The following A2M variants were observed in gnomAD, a reference collection of about 807,000 sequenced individuals.
A2M encodes alpha-2-macroglobulin.
Under a neutral mutation model 183.9 loss-of-function variants are expected in A2M, and 128 were observed. That is an observed-to-expected ratio of 0.70 (90% CI 0.60 to 0.81). The LOEUF (loss-of-function observed/expected upper bound fraction) is 0.81, where lower values mean the gene tolerates loss of function less well. Ranked by LOEUF, A2M falls within the 30% of genes least tolerant of loss-of-function variation. The pLI is 0.00. For synonymous variants in A2M, 592 were observed against 670.8 expected (o/e 0.88, Z 1.81); for missense variants, 1,495 against 1,787.6 (o/e 0.84, Z 2.95).
At chr12:9,069,927 CT>C (rs1352208292) in intron 32 of A2M, 114 bp from the exon 33 acceptor site, 4 of 869,344 alleles carry the variant, frequency 4.6e-6, no homozygotes, top group Non-Finnish European at 7.6e-6. Context: ...TCTTCAAATG[CT>C]TTTTGTAAGG....
intron 22 of A2M, among the ~76,000 whole-genome samples, chr12:9,082,833 G>T (rs1332120249): frequency 6.6e-6 from 1 of 152,200 alleles, no homozygotes; most frequent in Admixed American, 6.5e-5. Context: ...CCAACAAACT[G>T]AGAAGTTTGA....
In A2M at chr12:9,113,482, G is replaced by A; in HGVS notation, c.148C>T (p.Leu50Phe). Residue 50 changes from leucine (L) to phenylalanine (F), a missense_variant, in exon 2 of 36, where the codon CTT (leucine) becomes TTT (phenylalanine). Transcript: ENST00000318602. ...ACTGTCTCATTCAGGTAGCTCAGAA[G>A]GACACAGCCCTTCTCAGTGGTCTCA... ...HTETTEKGCV[L>F]LSYLNETVTV... 6.2e-7 allele frequency: 1 copy of A among 1,613,954 alleles called. No individual in the cohort carries two copies. Among genetic ancestry groups the A allele is most frequent in the Non-Finnish European group, 8.5e-7 (1 of 1,179,938 alleles).
At chr12:9,113,830 A>T (rs1938926295) in intron 1 of A2M, among the ~76,000 whole-genome samples, 1 of 152,264 alleles carries the variant, frequency 6.6e-6, no homozygotes, top group African/African-American at 2.4e-5. Flanking sequence ...TTCAAATAAA[A>T]ATATGTAGTT....
At chr12:9,112,303 C>T in intron 3 of A2M, 74 bp downstream of exon 3, 5 of 1,604,760 alleles carry the variant, frequency 3.1e-6, no homozygotes, top group African/African-American at 1.3e-5. Flanking sequence ...ATTATAGGAA[C>T]TTTGCCTGGG....
chr12:9,076,793 T>C lies in A2M; in HGVS notation c.3495A>G (p.Glu1165=). 1 of 1,613,990 alleles carries C rather than the reference T, an allele frequency of 6.2e-7. No homozygotes were observed. Among genetic ancestry groups the C allele is most frequent in the Non-Finnish European group, 8.5e-7 (1 of 1,179,904 alleles). The change falls in exon 28 of 36, where the codon GAA becomes GAG. Residue 1165 remains glutamate (E), a synonymous_variant. Transcript: ENST00000318602. ...CTTCCTCATTAAGTGACTTGAGTACTTCCTTCCTCTTGTCCTGGTTACCTG... is the reference window on the plus strand; with the variant it reads ...CTTCCTCATTAAGTGACTTGAGTACCTCCTTCCTCTTGTCCTGGTTACCTG... ...ALAGNQDKRK[E]VLKSLNEEAV...
chr12:9,113,487 C>T lies in A2M; in HGVS notation c.143G>A (p.Cys48Tyr). 6.2e-7 allele frequency: 1 copy of T among 1,613,910 alleles called. No homozygotes were observed. Among genetic ancestry groups the T allele is most frequent in the Non-Finnish European group, 8.5e-7 (1 of 1,179,908 alleles). The change falls in exon 2 of 36, where the codon TGT becomes TAT. Residue 48 changes from cysteine (C) to tyrosine (Y), a missense_variant. By Grantham distance (194) the Cys-to-Tyr change is radical. Transcript: ENST00000318602. ...CTCATTCAGGTAGCTCAGAAGGACA[C>T]AGCCCTTCTCAGTGGTCTCAGTGTG... ...LLHTETTEKG[C>Y]VLLSYLNETV...
At chr12:9,085,411 G>A (rs1219601804) in intron 22 of A2M, among the ~76,000 whole-genome samples, 4 of 152,010 alleles carry the variant, frequency 2.6e-5, no homozygotes, top group Non-Finnish European at 5.9e-5. Context: ...CTCCTGAACA[G>A]CCAATGGGTC....
chr12:9,068,669 A>G (rs991665978), intron 34 of A2M, 71 bp downstream of exon 34: 5 of 1,237,022 alleles, frequency 4.0e-6, no homozygotes, highest in Middle Eastern at 3.7e-4. Context: ...AATAACCCCA[A>G]CACATCTCCT....
rs757650731 is a variant in A2M, at chr12:9,112,042, G to C, written c.483+117C>G. 12 of 952,682 alleles carry C rather than the reference G, an allele frequency of 1.3e-5. No individual in the cohort carries two copies. The East Asian group carries it at 2.9e-4, about 23-fold the overall frequency. 59.0% of individuals were successfully genotyped at this position (952,682 alleles called of 1,614,324 possible). A position where few individuals can be genotyped will look rare whatever the true frequency, so the allele number is the denominator to read the frequency against. ...AGGATCTTGTGCTGTTGTAATGCCAGAAGTTACTGTTAATGATACCAGATT... is the reference window on the plus strand; with the variant it reads ...AGGATCTTGTGCTGTTGTAATGCCACAAGTTACTGTTAATGATACCAGATT... On this transcript the variant is annotated intron_variant, in intron 4 of 35. Transcript: ENST00000318602.
chr12:9,101,631 A>G lies in A2M; in HGVS notation c.1310T>C (p.Val437Ala). ...DRSPCYGYQWVSEEHEEAHHT... is the reference protein window; with the variant it reads ...DRSPCYGYQWASEEHEEAHHT... ...ATGTGCCTCTTCGTGTTCTTCTGAC[A>G]CCCACTGGTAGCCGTAACAGGGACT... is the stretch of plus-strand genomic sequence containing the variant. Residue 437 changes from valine (V) to alanine (A), a missense_variant, in exon 12 of 36, where the codon GTG becomes GCG. Transcript: ENST00000318602. The G allele has an allele frequency of 6.2e-7, 1 of 1,613,952 alleles. No homozygotes were observed. Among genetic ancestry groups the G allele is most frequent in the Non-Finnish European group, 8.5e-7 (1 of 1,179,886 alleles).
At chr12:9,107,982 C>G (rs1938433586) in intron 7 of A2M, among the ~76,000 whole-genome samples, 1 of 151,244 alleles carries the variant, frequency 6.6e-6, no homozygotes, top group Non-Finnish European at 1.5e-5. Flanking sequence ...CAAAACAGAA[C>G]AAAAAAAACC....
chr12:9,068,657 T>C (rs1350241154), intron 34 of A2M, 83 bp downstream of exon 34: 15 of 1,113,864 alleles, frequency 1.3e-5, no homozygotes, highest in Non-Finnish European at 2.0e-5. Context: ...CTTAATGTAA[T>C]AAATAACCCC....
intron 4 of A2M, chr12:9,111,437 G>A (rs1938720055): frequency 1.4e-5 from 6 of 443,636 alleles, no homozygotes; most frequent in Middle Eastern, 3.3e-4. Context: ...CCACTTTGAA[G>A]GTTATTGTAA....
intron 4 of A2M, chr12:9,111,844 TGAGC>T: frequency 2.5e-6 from 1 of 392,472 alleles, no homozygotes; most frequent in Middle Eastern, 6.7e-4. Context: ...AAATGTTTTT[TGAGC>T]TTAGGTTCTT....
intron 28 of A2M, among the ~76,000 whole-genome samples, chr12:9,076,127 G>C (rs914868837): frequency 2.4e-4 from 37 of 152,170 alleles, no homozygotes; most frequent in Non-Finnish European, 3.7e-4. Context: ...TAAAATACCA[G>C]AATTCATTCA....
rs1948836389 is a variant in A2M, at chr12:9,079,276, C to T, written c.3087G>A (p.Gly1029=). 6.2e-7 allele frequency: 1 copy of T among 1,613,488 alleles called. No individual in the cohort carries two copies. The highest frequency in any genetic ancestry group is 1.1e-5 in the South Asian group (1 of 91,056). ...TGCCCTGGTTCCTGCCATATCGCTC[C>T]CCAAAGGTGCTGTAGGAGCCATCAT... ...KHYDGSYSTF[G]ERYGRNQGNT... is the part of the protein sequence containing the mutation. Residue 1029 remains glycine, a synonymous_variant, in exon 25 of 36, where the codon GGG becomes GGA. Coordinates refer to ENST00000318602, the MANE Select transcript of A2M (RefSeq NM_000014.6).
Position 9,077,696 on chromosome 12 carries a change from T to A in A2M, c.3276+5A>T, listed in dbSNP as rs1382963651. On this transcript the variant is annotated splice_donor_5th_base_variant and intron_variant, in intron 26 of 35. Coordinates refer to ENST00000318602, the MANE Select transcript of A2M (RefSeq NM_000014.6). ...CAAATCAAAACTAGCTCCAGAATGA[T>A]TCACCTTTATGGCATTGTTGAGCAG... 16 of 1,613,416 alleles carry A rather than the reference T, an allele frequency of 9.9e-6. No homozygotes were observed. Among genetic ancestry groups the A allele is most frequent in the Non-Finnish European group, 1.3e-5 (15 of 1,179,606 alleles).
At chr12:9,101,405 T>A in intron 12 of A2M, 42 bp downstream of exon 12, 1 of 1,527,848 alleles carries the variant, frequency 6.5e-7, no homozygotes, top group Non-Finnish European at 9.0e-7. Flanking sequence ...CACAGAGAGC[T>A]TTTGTCTACA....
At position 9,080,112 on chromosome 12, in the gene A2M, C is replaced by A; in HGVS notation, c.2836G>T (p.Ala946Ser). 6.3e-7 allele frequency: 1 copy of A among 1,588,282 alleles called. No individual in the cohort carries two copies. The highest frequency in any genetic ancestry group is 8.6e-7 in the Non-Finnish European group (1 of 1,166,562). The change falls in exon 23 of 36, where the codon GCT (alanine) becomes TCT (serine). Residue 946 changes from alanine to serine, a missense_variant. Physicochemically the swap from Ala to Ser is moderately conservative, Grantham distance 99. Coordinates refer to ENST00000318602, the MANE Select transcript of A2M (RefSeq NM_000014.6). ...PPNVVEESARASVSVLGDILG... is the reference protein window; with the variant it reads ...PPNVVEESARSSVSVLGDILG... ...GACTCACCCAAAACTGAGACAGAAG[C>A]TCGGGCAGATTCTTCTACCACATTT...
Sources: gnomAD v4.1 joint callset for allele counts (sites outside exome capture counted in the v4.1 genomes callset) on GRCh38, gnomAD v4.1.1 for gene constraint, MANE v1.5 for transcripts, NCBI Gene and HGNC (gene_info 2026-07-23, HGNC 2026-07-21) for gene names.